The following UNC13D variants were observed in gnomAD, a reference collection of about 807,000 sequenced individuals.
The protein encoded by UNC13D is unc-13 homolog D.
Under a neutral mutation model 151.7 loss-of-function variants are expected in UNC13D, and 115 were observed. That is an observed-to-expected ratio of 0.76 (90% confidence interval 0.65 to 0.88). The LOEUF is 0.88. UNC13D is among the 40% of genes least tolerant of loss of function. UNC13D has a pLI of 0.00. For synonymous variants in UNC13D, 588 were observed against 612.2 expected, an observed-to-expected ratio of 0.96 and a Z score of 0.58; for missense variants, 1,369 against 1,438.7, an observed-to-expected ratio of 0.95 and a Z score of 0.78.
chr17:75,843,818 C>T, intron 1 of UNC13D: 1 of 1,377,898 alleles, frequency 7.3e-7, no homozygotes, highest in Non-Finnish European at 9.4e-7. Flanking sequence ...CTGCTCCTCA[C>T]CCAGCAGCGG....
Position 75,839,917 on chromosome 17 carries a change from G to A in UNC13D, c.977C>T (p.Ser326Leu), listed in dbSNP as rs762385167. ...HEAGSTSWDGSLSPQAATVLF... is the reference protein window; with the variant it reads ...HEAGSTSWDGLLSPQAATVLF... ...GACGGTGGCAGCCTGGGGACTCAGC[G>A]ACCCGTCCCAGGAGGTGCTTCCCGC... is the stretch of plus-strand genomic sequence containing the variant. Residue 326 changes from serine (S) to leucine (L), a missense_variant, in exon 12 of 32, where the codon TCG (serine) becomes TTG (leucine). By Grantham distance (145) the Ser-to-Leu change is moderately radical. This residue lies in a region of UNC13D where 550 missense variants were observed against 609.0 expected (regional missense o/e 0.90). Transcript: ENST00000207549. 4 of 1,613,674 alleles carry A rather than the reference G, an allele frequency of 2.5e-6. No individual in the cohort carries two copies. The highest frequency in any genetic ancestry group is 1.6e-4 in the Middle Eastern group (1 of 6,080).
Position 75,834,611 on chromosome 17 carries a change from G to A in UNC13D, c.2091+7C>T. 6.2e-7 allele frequency: 1 copy of A among 1,613,800 alleles called. No homozygotes were observed. The highest frequency in any genetic ancestry group is 2.2e-5 in the East Asian group (1 of 44,884). On this transcript the variant is annotated splice_region_variant and intron_variant, in intron 22 of 31. Coordinates refer to ENST00000207549, the MANE Select transcript of UNC13D (RefSeq NM_199242.3). ...AGCTAGACTCCCAGCCCCAGCTCTG[G>A]CCTTACCATGTTGGCTGCCTGGCCT...
Position 75,830,164 on chromosome 17 carries a change from C to A in UNC13D, c.2831-13G>T. 1 of 1,586,014 alleles carries A rather than the reference C, an allele frequency of 6.3e-7. No individual in the cohort carries two copies. The highest frequency in any genetic ancestry group is 8.6e-7 in the Non-Finnish European group (1 of 1,166,812). ...GGGTCGCTGGAGCCTGGTAAGTGGC[C>A]GGGGAGTGTGCGTCAGCTGAGGGTC... On this transcript the variant is annotated splice_polypyrimidine_tract_variant and intron_variant, in intron 29 of 31. Coordinates refer to ENST00000207549, the MANE Select transcript of UNC13D (RefSeq NM_199242.3).
At position 75,839,828 on chromosome 17, in the gene UNC13D, T is replaced by G. The variant is rs1162824120; in HGVS notation, c.1055+11A>C. The G allele has an allele frequency of 1.9e-6, 3 of 1,613,066 alleles. No individual in the cohort carries two copies. In the South Asian group the frequency reaches 3.3e-5, roughly 18 times the overall value. On this transcript the variant is annotated intron_variant, in intron 12 of 31. Transcript: ENST00000207549. ...GTGGCTCAGGGGTTCTGCCCAGGGC[T>G]GTGTACTCACGCCATGGACTGGTGG...
Position 75,840,392 on chromosome 17 carries a change from C to T in UNC13D, c.754-63G>A, listed in dbSNP as rs1172536564. 37 of 1,606,820 alleles carry T rather than the reference C, an allele frequency of 2.3e-5. No homozygotes were observed. The highest frequency in any genetic ancestry group is 2.7e-5 in the Non-Finnish European group (32 of 1,175,132). On this transcript the variant is annotated intron_variant, in intron 9 of 31. Coordinates refer to ENST00000207549, the MANE Select transcript of UNC13D (RefSeq NM_199242.3). This position sits in a 1 kb window ranked among gnomAD's most constrained non-coding sequence, Gnocchi z 4.6. ...CCTCATAGAGTCGGGGCAGCGGAGG[C>T]GACAGGAGGTGGACCCCAGGCTCAG...
intron 12 of UNC13D, among the ~76,000 whole-genome samples, chr17:75,839,093 C>G (rs1363667249): frequency 6.8e-6 from 1 of 146,206 alleles, no homozygotes; most frequent in East Asian, 2.0e-4. Context: ...GAGCAAGACT[C>G]TGTCTCAAAA....
Position 75,827,508 on chromosome 17 carries a change from G to C in UNC13D, c.*457C>G. On this transcript the variant is annotated 3_prime_UTR_variant, in exon 32 of 32. Transcript: ENST00000207549. The stretch of plus-strand genomic sequence containing the variant: ...CCACCCTCCCCCCAGGGCAGCTGGA[G>C]CCTCATCTTTGGCAGGGTCCCCTCT... 6.5e-7 allele frequency: 1 copy of C among 1,528,394 alleles called. No individual in the cohort carries two copies. The highest frequency in any genetic ancestry group is 8.8e-7 in the Non-Finnish European group (1 of 1,141,960). The allele number at this position is 1,528,394 out of a possible 1,614,324, so 94.7% of individuals were successfully genotyped here. A position where few individuals can be genotyped will look rare whatever the true frequency, so the allele number is the denominator to read the frequency against.
In UNC13D at chr17:75,832,849, G is replaced by A. The variant is rs1002149227; in HGVS notation, c.2447+117C>T. On this transcript the variant is annotated intron_variant, in intron 25 of 31. Transcript: ENST00000207549. The surrounding 1 kb of genome is among the most constrained non-coding windows in gnomAD (Gnocchi z 4.3). The stretch of plus-strand genomic sequence containing the variant: ...GGGAGGAGAGGGGGAGGTGGCGAGC[G>A]CGCCCAGGGCAGGGGCTGCTACACC... The A allele has an allele frequency of 7.1e-6, 7 of 989,844 alleles. No homozygotes were observed. The highest frequency in any genetic ancestry group is 4.8e-5 in the African/African-American group (3 of 61,868). 61.3% of individuals were successfully genotyped at this position (989,844 alleles called of 1,614,324 possible).
intron 27 of UNC13D, among the ~76,000 whole-genome samples, 158 bp downstream of exon 27, chr17:75,830,940 G>A (rs777699941): frequency 4.6e-5 from 7 of 152,172 alleles, no homozygotes; most frequent in Non-Finnish European, 7.3e-5. Context: ...AGGTTCTGTC[G>A]TCACCGTTCT....
intron 13 of UNC13D, 48 bp from the exon 14 acceptor site, chr17:75,836,744 C>T (rs934562996): frequency 6.2e-7 from 1 of 1,613,470 alleles, no homozygotes; most frequent in Non-Finnish European, 8.5e-7. Flanking sequence ...TGCTGCTGCT[C>T]CCCTGCCCCT....
chr17:75,843,311 G>C (rs775507916), intron 2 of UNC13D, 45 bp from the exon 3 acceptor site: 2 of 1,599,488 alleles, frequency 1.3e-6, no homozygotes, highest in South Asian at 2.2e-5. Flanking sequence ...AGCCACCCCT[G>C]GCACCAACAC....
At chr17:75,841,047 C>A (rs1167220680) in intron 6 of UNC13D, 46 bp from the exon 7 acceptor site, 1 of 1,611,718 alleles carries the variant, frequency 6.2e-7, no homozygotes, top group Non-Finnish European at 8.5e-7. Flanking sequence ...AGGGTGGATG[C>A]CCCCAGACGA....
At chr17:75,843,664 T>C in intron 1 of UNC13D, 145 bp from the exon 2 acceptor site, 3 of 1,490,880 alleles carry the variant, frequency 2.0e-6, no homozygotes, top group Non-Finnish European at 2.7e-6. Flanking sequence ...GCCCCGCACC[T>C]GTTCCCCCAG....
Position 75,827,310 on chromosome 17 carries a change from G to A in UNC13D, c.*655C>T. The A allele has an allele frequency of 1.4e-6, 1 of 721,974 alleles. No individual in the cohort carries two copies. The highest frequency in any genetic ancestry group is 2.0e-6 in the Non-Finnish European group (1 of 493,334). The allele number at this position is 721,974 out of a possible 1,614,324, so 44.7% of individuals were successfully genotyped here. ...CAGGTGCTGTCCGGGGAGGGGGCGT[G>A]CGCAGCAGACACAGCAGCCAAACTG... On this transcript the variant is annotated 3_prime_UTR_variant, in exon 32 of 32. Transcript: ENST00000207549.
Position 75,830,391 on chromosome 17 carries a change from G to A in UNC13D, c.2801C>T (p.Ala934Val), listed in dbSNP as rs371026225. 12 of 1,590,114 alleles carry A rather than the reference G, an allele frequency of 7.5e-6. No homozygotes were observed. The highest frequency in any genetic ancestry group is 4.5e-4 in the Middle Eastern group (2 of 4,454). The stretch of plus-strand genomic sequence containing the variant: ...GGAGTCCAGGGGCAGCAGGCTGGAG[G>A]CGCTGAGCAGCTCCACACGCAGCTT... ...EQKLRVELLS[A>V]SSLLPLDSNG... The change falls in exon 29 of 32, where the codon GCC becomes GTC. Residue 934 changes from alanine to valine, a missense_variant. Ala to Val is a moderately conservative substitution (Grantham distance 64, BLOSUM62 0). Transcript: ENST00000207549.
rs765923204 is a variant in UNC13D at position 75,834,565 on chromosome 17, C to A, written c.2092-34G>T. ...GAGATGCAGAGCTTCCTGAACTGTG[C>A]CCAGGCTGGTCCCCACACCCAGCTA... On this transcript the variant is annotated intron_variant, in intron 22 of 31. Transcript: ENST00000207549. 3.1e-6 allele frequency: 5 copies of A among 1,610,026 alleles called. No homozygotes were observed. In the South Asian group the frequency reaches 3.3e-5, roughly 11 times the overall value.
intron 12 of UNC13D, among the ~76,000 whole-genome samples, chr17:75,838,836 C>T (rs917945141): frequency 5.3e-5 from 8 of 151,944 alleles, no homozygotes; most frequent in Admixed American, 1.3e-4. Flanking sequence ...CGCGGTGGCA[C>T]GCGCCTATAA....
Position 75,844,303 on chromosome 17 carries a change from G to T in UNC13D, c.35C>A (p.Pro12His). Residue 12 changes from proline (P) to histidine (H), a missense_variant, in exon 1 of 32, where the codon CCT (proline) becomes CAT (histidine). This residue lies in a region of UNC13D where 550 missense variants were observed against 609.0 expected (regional missense o/e 0.90). Transcript: ENST00000207549. ...ATLLSHPQQR[P>H]PFLRQAIKIR... Reference sequence around the variant, plus strand: ...CTTGATGGCCTGGCGCAAGAAGGGAGGGCGCTGCTGCGGATGGGAGAGGAG... The same window carrying T: ...CTTGATGGCCTGGCGCAAGAAGGGATGGCGCTGCTGCGGATGGGAGAGGAG... 1 of 1,612,630 alleles carries T rather than the reference G, an allele frequency of 6.2e-7. No individual in the cohort carries two copies.
rs2062131075 is a variant in UNC13D at position 75,827,410 on chromosome 17, T to C, written c.*555A>G. The C allele has an allele frequency of 6.4e-6, 9 of 1,407,936 alleles. No homozygotes were observed. The Admixed American group carries it at 8.7e-5, about 14-fold the overall frequency. 87.2% of individuals were successfully genotyped at this position (1,407,936 alleles called of 1,614,324 possible). On this transcript the variant is annotated 3_prime_UTR_variant, in exon 32 of 32. Coordinates refer to ENST00000207549, the MANE Select transcript of UNC13D (RefSeq NM_199242.3). ...TGCTCCCTCAGAGCCAGAAGGTTCT[T>C]GGCTCCAGGCTTCCTGGCCTGGATG...
Sources: gnomAD v4.1 joint callset for allele counts (sites outside exome capture counted in the v4.1 genomes callset) on GRCh38, gnomAD v4.1.1 for gene constraint, gnomAD v4.1.1 regional missense constraint, Gnocchi (gnomAD v3.1) non-coding constraint, MANE v1.5 for transcripts, NCBI Gene and HGNC (gene_info 2026-07-23, HGNC 2026-07-21) for gene names.